The following LTBP1 variants were observed in gnomAD, a reference collection of about 807,000 sequenced individuals.
LTBP1 encodes the protein latent transforming growth factor beta binding protein 1, also known as latent-transforming growth factor beta-binding protein 1.
In LTBP1, 129 loss-of-function variants were observed where a neutral mutation model predicts 207.6. The ratio of observed to expected loss-of-function variants is 0.62; its 90% CI spans 0.54 to 0.72. LTBP1 has a LOEUF of 0.72. Ranked by LOEUF, LTBP1 falls within the 30% of genes least tolerant of loss-of-function variation. LTBP1 has a pLI of 0.00. For missense variants in LTBP1, 2,281 were observed against 2,217.2 expected (o/e 1.03, Z -0.58); for synonymous variants, 963 against 833.7 (o/e 1.16, Z -2.67).
At chr2:32,983,879 A>G (rs545034071) in intron 2 of LTBP1, among the ~76,000 whole-genome samples, 19 of 152,340 alleles carry the variant, frequency 1.2e-4, no homozygotes, top group African/African-American at 4.3e-4. Flanking sequence ...ATGAAAATGG[A>G]CTAATACATT....
chr2:33,056,913 A>C (rs906491026), intron 3 of LTBP1, among the ~76,000 whole-genome samples: 4 of 152,060 alleles, frequency 2.6e-5, no homozygotes, highest in Non-Finnish European at 4.4e-5. Context: ...CATTTTACAG[A>C]GAGCCAGTTG....
intron 2 of LTBP1, among the ~76,000 whole-genome samples, chr2:33,010,248 A>G (rs1472304369): frequency 6.6e-6 from 1 of 152,236 alleles, no homozygotes; most frequent in Non-Finnish European, 1.5e-5. Flanking sequence ...TCCGTGGAAA[A>G]GCGGAAAAGT....
At chr2:33,254,852 G>GTTTT (rs70938393) in intron 11 of LTBP1, among the ~76,000 whole-genome samples, 218 of 10,360 alleles carry the variant, frequency 0.021, 19 homozygotes, top group East Asian at 0.052. Context: ...GCGGTGTTTG[G>GTTTT]TTTTTTTTTT....
At chr2:33,054,937 G>A (rs2076918249) in intron 3 of LTBP1, among the ~76,000 whole-genome samples, 4 of 152,110 alleles carry the variant, frequency 2.6e-5, no homozygotes, top group Admixed American at 2.6e-4. Flanking sequence ...TGGACGAGGG[G>A]GCAGCTTTTT....
chr2:33,203,586 A>C (rs1869542), intron 7 of LTBP1, among the ~76,000 whole-genome samples: 81,684 of 151,996 alleles, frequency 0.54, 22,088 homozygotes, highest in Middle Eastern at 0.6. Flanking sequence ...AGAAGCAAGT[A>C]TGTGTTTCTT....
intron 32 of LTBP1, among the ~76,000 whole-genome samples, chr2:33,396,338 A>G (rs1233322421): frequency 6.6e-6 from 1 of 152,110 alleles, no homozygotes; most frequent in Non-Finnish European, 1.5e-5. Flanking sequence ...CTTCTGCCTC[A>G]GCCTCCCAAG....
At chr2:33,398,272 G>A in intron 33 of LTBP1, 92 bp from the exon 34 acceptor site, 21 of 1,200,212 alleles carry the variant, frequency 1.7e-5, no homozygotes, top group Non-Finnish European at 2.4e-5. Context: ...CCTTGGGGTG[G>A]TCGGGGGAAG....
At chr2:33,022,861 C>A (rs2075241035) in intron 3 of LTBP1, among the ~76,000 whole-genome samples, 1 of 152,130 alleles carries the variant, frequency 6.6e-6, no homozygotes, top group Non-Finnish European at 1.5e-5. Flanking sequence ...ATTTGAATTT[C>A]ATATAAATTT....
chr2:33,177,051 A>C (rs1484753531), intron 5 of LTBP1, among the ~76,000 whole-genome samples: 2 of 152,146 alleles, frequency 1.3e-5, no homozygotes, highest in Non-Finnish European at 2.9e-5. Flanking sequence ...GGGTAGAAAA[A>C]CATTAAATAA....
chr2:33,231,795 G>A (rs1198588639), intron 9 of LTBP1, among the ~76,000 whole-genome samples: 2 of 152,130 alleles, frequency 1.3e-5, no homozygotes, highest in African/African-American at 2.4e-5. Context: ...ATAATTAATC[G>A]AACCATTTGC....
rs559289207 is a variant in LTBP1, at chr2:33,177,074, C to A, written c.1202-9782C>A. 8.5e-5 allele frequency among the ~76,000 whole-genome samples: 13 copies of A among 152,226 alleles called. 1 individual carries two copies. The highest frequency in any genetic ancestry group is 3.1e-4 in the African/African-American group (13 of 41,532). On this transcript the variant is annotated intron_variant, in intron 5 of 33. Coordinates refer to ENST00000404816, the MANE Select transcript of LTBP1 (RefSeq NM_206943.4). Reference sequence around the variant, plus strand: ...AAACATTAAATAACTTACCCAATGTCCTGCCAGTAAGAAATAATTTAGTTG... The same window carrying A: ...AAACATTAAATAACTTACCCAATGTACTGCCAGTAAGAAATAATTTAGTTG...
At chr2:33,206,721 AG>A (rs1209366839) in intron 7 of LTBP1, among the ~76,000 whole-genome samples, 2 of 150,542 alleles carry the variant, frequency 1.3e-5, no homozygotes, top group African/African-American at 4.9e-5. Context: ...CCTGGGCGAC[AG>A]AGCAAGACTC....
chr2:33,285,146 AT>A (rs1471104578), intron 19 of LTBP1, among the ~76,000 whole-genome samples: 1 of 139,942 alleles, frequency 7.1e-6, no homozygotes, highest in Middle Eastern at 4.2e-3. Context: ...GGTTCAAGTG[AT>A]TCTCCTGCGT....
intron 3 of LTBP1, among the ~76,000 whole-genome samples, chr2:33,069,664 T>C (rs79033019): frequency 6.6e-6 from 1 of 152,354 alleles, no homozygotes; most frequent in East Asian, 1.9e-4. Flanking sequence ...AGACCAGTTA[T>C]CTGCTCACAA....
chr2:33,192,715 C>T (rs376958665), intron 7 of LTBP1, among the ~76,000 whole-genome samples: 2 of 152,094 alleles, frequency 1.3e-5, no homozygotes, highest in African/African-American at 4.8e-5. Flanking sequence ...GTTGTTATAA[C>T]AGAGTGTCAC....
intron 9 of LTBP1, among the ~76,000 whole-genome samples, chr2:33,242,594 G>A (rs1446909621): frequency 6.8e-6 from 1 of 147,504 alleles, no homozygotes; most frequent in African/African-American, 2.5e-5. Flanking sequence ...TTTTTTCTTA[G>A]ATTAGGAGCC....
intron 26 of LTBP1, among the ~76,000 whole-genome samples, chr2:33,351,170 T>C (rs2094776625): frequency 6.6e-6 from 1 of 152,228 alleles, no homozygotes; most frequent in Admixed American, 6.5e-5. Flanking sequence ...CTAATACATC[T>C]TATTCCCACA....
chr2:33,289,601 A>G (rs1023593527), intron 19 of LTBP1, among the ~76,000 whole-genome samples: 1 of 152,188 alleles, frequency 6.6e-6, no homozygotes, highest in Non-Finnish European at 1.5e-5. Context: ...CTTGTCCTCA[A>G]GCAGCCCTCC....
intron 5 of LTBP1, among the ~76,000 whole-genome samples, chr2:33,182,764 A>T (rs1033697708): frequency 2.7e-5 from 4 of 146,352 alleles, no homozygotes; most frequent in African/African-American, 1.0e-4. Flanking sequence ...ATGTGTACAC[A>T]TACACACACA....
Sources: gnomAD v4.1 joint callset for allele counts (sites outside exome capture counted in the v4.1 genomes callset) on GRCh38, gnomAD v4.1.1 for gene constraint, MANE v1.5 for transcripts, NCBI Gene and HGNC (gene_info 2026-07-23, HGNC 2026-07-21) for gene names.